The following CRMP1 variants were observed in gnomAD, a reference collection of about 807,000 sequenced individuals.
CRMP1 encodes the protein collapsin response mediator protein 1, also known as dihydropyrimidinase-related protein 1.
CRMP1 carries 19 observed loss-of-function variants against 68.3 expected under a neutral mutation model. The observed-to-expected ratio is 0.28, with a 90% CI of 0.19 to 0.41. The LOEUF (loss-of-function observed/expected upper bound fraction) is 0.41, where lower values mean the gene tolerates loss of function less well. CRMP1 is among the 10% of genes least tolerant of loss of function. The pLI, the probability that CRMP1 is intolerant of heterozygous loss-of-function variation, is 1.00. For missense variants in CRMP1, 791 were observed against 967.4 expected (o/e 0.82, Z 2.42); for synonymous variants, 439 against 399.6 (o/e 1.10, Z -1.18).
intron 12 of CRMP1, chr4:5,827,973 A>AAGGAACGACAGGGC (rs1453677757): frequency 1.1e-6 from 1 of 924,428 alleles, no homozygotes; most frequent in Non-Finnish European, 1.3e-6. Flanking sequence ...CAAGGAAAAT[A>AAGGAACGACAGGGC]AGGAACGACA....
At position 5,883,604 on chromosome 4, in the gene CRMP1, T is replaced by C. The variant is rs1715367946; in HGVS notation, c.381+8985A>G. Among the ~76,000 whole-genome samples, 1 of 152,026 alleles carries C rather than the reference T, an allele frequency of 6.6e-6. No homozygotes were observed. On this transcript the variant is annotated intron_variant, in intron 1 of 13. Transcript: ENST00000324989. The surrounding 1 kb of genome is among the most constrained non-coding windows in gnomAD (Gnocchi z 4.5). ...GCACCCTTTAGTCTTTCTTAAGTTG[T>C]TTTATGTGCATGCACTTTGTCACTT...
chr4:5,892,922 C>T lies in CRMP1; in HGVS notation c.48G>A (p.Val16=). 7.5e-7 allele frequency: 1 copy of T among 1,327,328 alleles called. No homozygotes were observed. Among genetic ancestry groups the T allele is most frequent in the Non-Finnish European group, 9.7e-7 (1 of 1,032,700 alleles). The allele number at this position is 1,327,328 out of a possible 1,614,324, so 82.2% of individuals were successfully genotyped here. The change falls in exon 1 of 14, where the codon GTG becomes GTA. Residue 16 remains valine (V), a synonymous_variant. Coordinates refer to ENST00000324989, the MANE Select transcript of CRMP1 (RefSeq NM_001014809.3). This position sits in a 1 kb window ranked among gnomAD's most constrained non-coding sequence, Gnocchi z 8.6. ...RAWNTEDDLP[V]YLARPGSAAQ... is the part of the protein sequence containing the mutation. ...CCGCGCTGCCCGGCCGCGCCAGGTA[C>T]ACGGGCAGGTCGTCCTCGGTGTTCC...
At chr4:5,836,681 A>C (rs963949956) in intron 10 of CRMP1, 84 bp downstream of exon 10, 2 of 1,602,480 alleles carry the variant, frequency 1.2e-6, no homozygotes, top group African/African-American at 2.7e-5. Context: ...GGAACTTTTA[A>C]GAACCCAGCG....
chr4:5,888,605 C>T lies in CRMP1; in HGVS notation c.381+3984G>A, dbSNP rs1189512370. On this transcript the variant is annotated intron_variant, in intron 1 of 13. Coordinates refer to ENST00000324989, the MANE Select transcript of CRMP1 (RefSeq NM_001014809.3). This position sits in a 1 kb window ranked among gnomAD's most constrained non-coding sequence, Gnocchi z 6.4. ...TCTCGGCTCGAACCAGGAAGCGCTTCCCTTCCGATCTCCCACCCCGCCCCC... is the reference window on the plus strand; with the variant it reads ...TCTCGGCTCGAACCAGGAAGCGCTTTCCTTCCGATCTCCCACCCCGCCCCC... The T allele has an allele frequency of 1.9e-6, 2 of 1,034,252 alleles. No individual in the cohort carries two copies. Among genetic ancestry groups the T allele is most frequent in the Non-Finnish European group, 2.3e-6 (2 of 862,030 alleles). The allele number at this position is 1,034,252 out of a possible 1,614,324, so 64.1% of individuals were successfully genotyped here.
rs1715948607 is a variant in CRMP1, at chr4:5,891,495, G to A, written c.381+1094C>T. Among the ~76,000 whole-genome samples the A allele has an allele frequency of 6.6e-6, 1 of 152,200 alleles. No individual in the cohort carries two copies. Among genetic ancestry groups the A allele is most frequent in the Non-Finnish European group, 1.5e-5 (1 of 68,032 alleles). On this transcript the variant is annotated intron_variant, in intron 1 of 13. Coordinates refer to ENST00000324989, the MANE Select transcript of CRMP1 (RefSeq NM_001014809.3). This position sits in a 1 kb window ranked among gnomAD's most constrained non-coding sequence, Gnocchi z 5.2. ...AGTCAACAACAAACATTTATTGAAT[G>A]CTCACTACCGACCGGCATTAACTGA...
Position 5,891,034 on chromosome 4 carries a change from G to A in CRMP1, c.381+1555C>T, listed in dbSNP as rs1293661888. ...CCCGCGGCCCAGAAGCCTCCCCATC[G>A]GGCTCGGGAGTTTGGATCCCAAGAG... On this transcript the variant is annotated intron_variant, in intron 1 of 13. Transcript: ENST00000324989. The surrounding 1 kb of genome is among the most constrained non-coding windows in gnomAD (Gnocchi z 5.2). 6.6e-6 allele frequency among the ~76,000 whole-genome samples: 1 copy of A among 151,986 alleles called. No individual in the cohort carries two copies. The highest frequency in any genetic ancestry group is 2.4e-5 in the African/African-American group (1 of 41,388).
At chr4:5,868,284 T>TAG (rs1260435343) in intron 1 of CRMP1, among the ~76,000 whole-genome samples, 28 of 96,742 alleles carry the variant, frequency 2.9e-4, no homozygotes, top group Non-Finnish European at 6.1e-4. Flanking sequence ...TATATATATA[T>TAG]ATATATATAT....
rs1211133253 is a variant in CRMP1 at position 5,861,129 on chromosome 4, A to G, written c.552T>C (p.Ile184=). 4 of 1,614,102 alleles carry G rather than the reference A, an allele frequency of 2.5e-6. No homozygotes were observed. Among genetic ancestry groups the G allele is most frequent in the Admixed American group, 1.7e-5 (1 of 60,008 alleles). The change falls in exon 3 of 14, where the codon ATT becomes ATC. Residue 184 remains isoleucine, a synonymous_variant. Transcript: ENST00000324989. This position sits in a 1 kb window ranked among gnomAD's most constrained non-coding sequence, Gnocchi z 6.0. Reference sequence around the variant, plus strand: ...GCTTCTGCAGGTACGTGTTGACATCAATACCTCCGGGAATAACCATCCGCC... The same window carrying G: ...GCTTCTGCAGGTACGTGTTGACATCGATACCTCCGGGAATAACCATCCGCC... The part of the protein sequence containing the change: ...ANGRMVIPGG[I]DVNTYLQKPS...
Position 5,841,552 on chromosome 4 carries a change from C to A in CRMP1, c.1033-124G>T. The A allele has an allele frequency of 6.8e-7, 1 of 1,471,916 alleles. No homozygotes were observed. Among genetic ancestry groups the A allele is most frequent in the Non-Finnish European group, 9.3e-7 (1 of 1,076,030 alleles). 91.2% of individuals were successfully genotyped at this position (1,471,916 alleles called of 1,614,324 possible). A position where few individuals can be genotyped will look rare whatever the true frequency, so the allele number is the denominator to read the frequency against. ...TGCTCCATTGAATGAGAAGGACATA[C>A]TGAGTCCAACAGCGCTTGACAGTGC... On this transcript the variant is annotated intron_variant, in intron 7 of 13. Coordinates refer to ENST00000324989, the MANE Select transcript of CRMP1 (RefSeq NM_001014809.3). The surrounding 1 kb of genome is among the most constrained non-coding windows in gnomAD (Gnocchi z 6.9).
At position 5,890,434 on chromosome 4, in the gene CRMP1, A is replaced by G. The variant is rs1715889860; in HGVS notation, c.381+2155T>C. Among the ~76,000 whole-genome samples the G allele has an allele frequency of 6.6e-6, 1 of 152,130 alleles. No homozygotes were observed. The highest frequency in any genetic ancestry group is 2.1e-4 in the South Asian group (1 of 4,830). ...GAGAAGCCTGGTGGGCGGGGGGGGA[A>G]GGGCCGGGGCACCCGTTGCGAAGCC... On this transcript the variant is annotated intron_variant, in intron 1 of 13. Coordinates refer to ENST00000324989, the MANE Select transcript of CRMP1 (RefSeq NM_001014809.3). The surrounding 1 kb of genome is among the most constrained non-coding windows in gnomAD (Gnocchi z 5.5).
chr4:5,829,898 G>A (rs547701185), intron 11 of CRMP1, among the ~76,000 whole-genome samples: 2 of 152,292 alleles, frequency 1.3e-5, no homozygotes, highest in East Asian at 3.9e-4. Flanking sequence ...GGAGTTGGGG[G>A]CCAAAGAGTA....
rs546322634 is a variant in CRMP1 at position 5,892,287 on chromosome 4, G to C, written c.381+302C>G. On this transcript the variant is annotated intron_variant, in intron 1 of 13. Transcript: ENST00000324989. This position sits in a 1 kb window ranked among gnomAD's most constrained non-coding sequence, Gnocchi z 8.6. Reference sequence around the variant, plus strand: ...TTCCTTCGCGTTTAAGCGTCCATGCGGTAGCTTTAGCCAACTTCCCCTCTC... The same window carrying C: ...TTCCTTCGCGTTTAAGCGTCCATGCCGTAGCTTTAGCCAACTTCCCCTCTC... 6.6e-6 allele frequency among the ~76,000 whole-genome samples: 1 copy of C among 152,216 alleles called. No individual in the cohort carries two copies.
At chr4:5,837,065 A>G (rs1720774578) in intron 9 of CRMP1, among the ~76,000 whole-genome samples, 159 bp from the exon 10 acceptor site, 1 of 152,218 alleles carries the variant, frequency 6.6e-6, no homozygotes, top group South Asian at 2.1e-4. Flanking sequence ...CACGTGTCAC[A>G]AGTCAGGGAT....
rs1485628043 is a variant in CRMP1, at chr4:5,825,728, A to G, written c.1804-69T>C. The G allele has an allele frequency of 3.9e-6, 6 of 1,545,086 alleles. No individual in the cohort carries two copies. Among genetic ancestry groups the G allele is most frequent in the Non-Finnish European group, 5.3e-6 (6 of 1,139,070 alleles). ...GTGTGCCCTTCTGGGCAGATAAAGC[A>G]GAGCCCTGCGGGCGAGAGAGAAACC... is the stretch of plus-strand genomic sequence containing the variant. On this transcript the variant is annotated intron_variant, in intron 12 of 13. Transcript: ENST00000324989. The surrounding 1 kb of genome is among the most constrained non-coding windows in gnomAD (Gnocchi z 4.4).
Position 5,851,408 on chromosome 4 carries a change from C to T in CRMP1, c.882G>A (p.Gln294=), listed in dbSNP as rs753063653. Residue 294 remains glutamine (Q), a splice_region_variant and synonymous_variant, in exon 5 of 14, where the codon CAG becomes CAA. Transcript: ENST00000324989. ...GAGAGAGTGAGTGTGAGGGACCTAC[C>T]TGGCTGTCGGACATTTGGTAGACAT... ...YKDVYQMSDS[Q]LYEAFTFLKG... 2 of 1,614,128 alleles carry T rather than the reference C, an allele frequency of 1.2e-6. No homozygotes were observed. The highest frequency in any genetic ancestry group is 1.7e-6 in the Non-Finnish European group (2 of 1,179,958).
chr4:5,847,499 T>A (rs1036652542), intron 6 of CRMP1, among the ~76,000 whole-genome samples: 1 of 152,140 alleles, frequency 6.6e-6, no homozygotes, highest in African/African-American at 2.4e-5. Context: ...TCTTTTTGAG[T>A]GTGGGCTGGA....
intron 11 of CRMP1, among the ~76,000 whole-genome samples, chr4:5,830,169 CATT>C (rs1362469127): frequency 2.0e-5 from 3 of 152,290 alleles, no homozygotes; most frequent in Admixed American, 1.3e-4. Context: ...GTGTTTTGCA[CATT>C]ATTCTATTTC....
In CRMP1 at chr4:5,864,096, CTT is replaced by C. The variant is rs912265587; in HGVS notation, c.470+2570_470+2571del. 1.2e-4 allele frequency among the ~76,000 whole-genome samples: 18 copies of C among 152,330 alleles called. 1 individual carries two copies. Among genetic ancestry groups the C allele is most frequent in the African/African-American group, 4.1e-4 (17 of 41,572 alleles). On this transcript the variant is annotated intron_variant, in intron 2 of 13. Coordinates refer to ENST00000324989, the MANE Select transcript of CRMP1 (RefSeq NM_001014809.3). Reference sequence around the variant, plus strand: ...CCTGGTTAGCCGGAGTCCTAGGACTCTTGATGTTGACACATAACAGCAGGCAC... The same window carrying C: ...CCTGGTTAGCCGGAGTCCTAGGACTCGATGTTGACACATAACAGCAGGCAC...
At chr4:5,874,779 GAAAC>G (rs758756631) in intron 1 of CRMP1, among the ~76,000 whole-genome samples, 1 of 151,950 alleles carries the variant, frequency 6.6e-6, no homozygotes, top group Non-Finnish European at 1.5e-5. Flanking sequence ...AGAGAAGAGA[GAAAC>G]AAAGGGAGAA....
Sources: gnomAD v4.1 joint callset for allele counts (sites outside exome capture counted in the v4.1 genomes callset) on GRCh38, gnomAD v4.1.1 for gene constraint, Gnocchi (gnomAD v3.1) non-coding constraint, MANE v1.5 for transcripts, NCBI Gene and HGNC (gene_info 2026-07-23, HGNC 2026-07-21) for gene names.